The following ZNF485 variants were observed in gnomAD, a reference collection of about 807,000 sequenced individuals.
The protein encoded by ZNF485 is zinc finger protein 485.
Under a neutral mutation model 10.8 loss-of-function variants are expected in ZNF485, and 9 were observed. The observed-to-expected ratio is 0.83, with a 90% confidence interval of 0.50 to 1.45. The LOEUF (loss-of-function observed/expected upper bound fraction) is 1.45, where lower values mean the gene tolerates loss of function less well. Among genes scored for constraint, ZNF485 ranks in the 40% most tolerant of loss-of-function variants. The probability of loss-of-function intolerance (pLI) is 0.00; values close to 1 mark genes in which losing one functional copy is unlikely to be tolerated. For synonymous variants in ZNF485, 187 were observed against 181.0 expected (o/e 1.03, Z -0.27); for missense variants, 487 against 528.0 (o/e 0.92, Z 0.76).
intron 4 of ZNF485, among the ~76,000 whole-genome samples, chr10:43,612,794 A>G (rs1178681191): frequency 6.6e-6 from 1 of 151,648 alleles, no homozygotes. Context: ...AAGCATTTGG[A>G]TGTATTTATT....
rs767884893 is a variant in ZNF485 at position 43,617,255 on chromosome 10, T to C, written c.1212T>C (p.His404=). The change falls in exon 5 of 5, where the codon CAT becomes CAC. Residue 404 remains histidine (H), a synonymous_variant. Coordinates refer to ENST00000361807, the MANE Select transcript of ZNF485 (RefSeq NM_145312.4). The part of the protein sequence containing the change: ...SSGLVEHQRL[H]TGEKPYKCNE... ...GCCTTGTTGAACATCAGAGACTCCA[T>C]ACTGGGGAAAAACCTTATAAATGTA... 3 of 1,614,008 alleles carry C rather than the reference T, an allele frequency of 1.9e-6. No individual in the cohort carries two copies. The highest frequency in any genetic ancestry group is 2.5e-6 in the Non-Finnish European group (3 of 1,179,972).
intron 4 of ZNF485, among the ~76,000 whole-genome samples, chr10:43,613,752 G>C (rs1838806749): frequency 6.6e-6 from 1 of 152,320 alleles, no homozygotes; most frequent in East Asian, 1.9e-4. Context: ...TAATCTTCCA[G>C]AGTTTTGTTC....
rs267602489 is a variant in ZNF485 at position 43,617,301 on chromosome 10, C to T, written c.1258C>T (p.Pro420Ser). 1.2e-6 allele frequency: 2 copies of T among 1,603,364 alleles called. No homozygotes were observed. Among genetic ancestry groups the T allele is most frequent in the Non-Finnish European group, 1.7e-6 (2 of 1,176,322 alleles). Residue 420 changes from proline to serine, a missense_variant, in exon 5 of 5, where the codon CCC becomes TCC. Transcript: ENST00000361807. ...YKCNECGKAF[P>S]RSSALKQHKK... is the part of the protein sequence containing the mutation. ...ATGTAATGAATGTGGGAAAGCTTTT[C>T]CCCGAAGTTCAGCCCTTAAGCAACA...
In ZNF485 at chr10:43,616,838, T is replaced by G. The variant is rs1011517061; in HGVS notation, c.795T>G (p.Ser265Arg). Residue 265 changes from serine to arginine, a missense_variant, in exon 5 of 5, where the codon AGT becomes AGG. Transcript: ENST00000361807. Reference sequence around the variant, plus strand: ...TTACTCGTCATGAAAGAATACATAGTGGAGAGAAGCCTTTTAAATGTAACA... The same window carrying G: ...TTACTCGTCATGAAAGAATACATAGGGGAGAGAAGCCTTTTAAATGTAACA... ...AALTRHERIH[S>R]GEKPFKCNKC... 6.8e-6 allele frequency: 11 copies of G among 1,614,078 alleles called. No homozygotes were observed. The highest frequency in any genetic ancestry group is 9.3e-6 in the Non-Finnish European group (11 of 1,180,020).
intron 4 of ZNF485, among the ~76,000 whole-genome samples, chr10:43,614,754 ATTC>A (rs1447899253): frequency 3.9e-5 from 6 of 152,010 alleles, no homozygotes; most frequent in Non-Finnish European, 8.8e-5. Flanking sequence ...TCATGAAGAT[ATTC>A]TTCTGTGTTA....
At chr10:43,612,679 T>A (rs1838787498) in intron 4 of ZNF485, among the ~76,000 whole-genome samples, 1 of 152,204 alleles carries the variant, frequency 6.6e-6, no homozygotes, top group Admixed American at 6.5e-5. Context: ...AGTAATATTC[T>A]CCACATCTTT....
chr10:43,609,631 C>A (rs1838730413), intron 4 of ZNF485, among the ~76,000 whole-genome samples: 1 of 152,136 alleles, frequency 6.6e-6, no homozygotes, highest in African/African-American at 2.4e-5. Flanking sequence ...TCTTTCCAGG[C>A]ATTCACCAGG....
At chr10:43,613,357 G>A (rs1838800884) in intron 4 of ZNF485, among the ~76,000 whole-genome samples, 1 of 151,952 alleles carries the variant, frequency 6.6e-6, no homozygotes, top group Non-Finnish European at 1.5e-5. Context: ...ATAATTTTTG[G>A]TCTGGCTTAT....
chr10:43,609,279 T>C lies in ZNF485; in HGVS notation c.176T>C (p.Leu59Pro), dbSNP rs1294318122. The change falls in exon 4 of 5, where the codon CTA (leucine) becomes CCA (proline). Residue 59 changes from leucine (L) to proline (P), a missense_variant. Physicochemically the swap from Leu to Pro is moderately conservative, Grantham distance 98. Transcript: ENST00000361807. Reference protein sequence around the residue: ...SVGLLSSKPKLITQLEQGAEP... With the variant: ...SVGLLSSKPKPITQLEQGAEP... ...GGGCTTCTCTCTTCCAAACCAAAAC[T>C]AATTACTCAGTTGGAGCAAGGGGCA... The C allele has an allele frequency of 6.2e-7, 1 of 1,613,934 alleles. No individual in the cohort carries two copies. The highest frequency in any genetic ancestry group is 8.5e-7 in the Non-Finnish European group (1 of 1,179,930).
At position 43,617,315 on chromosome 10, in the gene ZNF485, C is replaced by G. The variant is rs7069748; in HGVS notation, c.1272C>G (p.Ala424=). 111,620 of 1,583,838 alleles carry G rather than the reference C, an allele frequency of 0.07. 4,237 individuals are homozygous for G. Among genetic ancestry groups the G allele is most frequent in the Middle Eastern group, 0.12 (686 of 5,902 alleles). ...GGAAAGCTTTTCCCCGAAGTTCAGC[C>G]CTTAAGCAACATAAGAAAATTCATA... is the stretch of plus-strand genomic sequence containing the variant. The part of the protein sequence containing the change: ...ECGKAFPRSS[A]LKQHKKIHNK... Residue 424 remains alanine (A), a synonymous_variant, in exon 5 of 5, where the codon GCC becomes GCG. Coordinates refer to ENST00000361807, the MANE Select transcript of ZNF485 (RefSeq NM_145312.4).
At position 43,617,202 on chromosome 10, in the gene ZNF485, T is replaced by C. The variant is rs1427805196; in HGVS notation, c.1159T>C (p.Cys387Arg). The change falls in exon 5 of 5, where the codon TGT becomes CGT. Residue 387 changes from cysteine (C) to arginine (R), a missense_variant. Physicochemically the swap from Cys to Arg is radical, Grantham distance 180. Coordinates refer to ENST00000361807, the MANE Select transcript of ZNF485 (RefSeq NM_145312.4). The stretch of plus-strand genomic sequence containing the variant: ...AGAAAAACCCTATCACTGTAAGAAA[T>C]GTGGGAAAGCCTTTCGGCACAGCTC... ...TGEKPYHCKKCGKAFRHSSGL... is the reference protein window; with the variant it reads ...TGEKPYHCKKRGKAFRHSSGL... The C allele has an allele frequency of 6.2e-7, 1 of 1,614,132 alleles. No individual in the cohort carries two copies. The highest frequency in any genetic ancestry group is 8.5e-7 in the Non-Finnish European group (1 of 1,180,028).
At position 43,617,268 on chromosome 10, in the gene ZNF485, C is replaced by A; in HGVS notation, c.1225C>A (p.Pro409Thr). The A allele has an allele frequency of 6.2e-7, 1 of 1,613,024 alleles. No individual in the cohort carries two copies. The highest frequency in any genetic ancestry group is 8.5e-7 in the Non-Finnish European group (1 of 1,179,598). The change falls in exon 5 of 5, where the codon CCT (proline) becomes ACT (threonine). Residue 409 changes from proline to threonine, a missense_variant. Coordinates refer to ENST00000361807, the MANE Select transcript of ZNF485 (RefSeq NM_145312.4). ...TCAGAGACTCCATACTGGGGAAAAA[C>A]CTTATAAATGTAATGAATGTGGGAA... is the stretch of plus-strand genomic sequence containing the variant. The part of the protein sequence containing the change: ...EHQRLHTGEK[P>T]YKCNECGKAF...
In ZNF485 at chr10:43,616,314, A is replaced by G; in HGVS notation, c.271A>G (p.Lys91Glu). 6.4e-7 allele frequency: 1 copy of G among 1,568,972 alleles called. No individual in the cohort carries two copies. The highest frequency in any genetic ancestry group is 8.6e-7 in the Non-Finnish European group (1 of 1,161,592). Residue 91 changes from lysine to glutamate, a missense_variant, in exon 5 of 5, where the codon AAG becomes GAG. Coordinates refer to ENST00000361807, the MANE Select transcript of ZNF485 (RefSeq NM_145312.4). ...AGTCGAGGATTACTGGTTTGAAACA[A>G]AGATGTCAGCCCTAAAGCAAAGCAC... is the stretch of plus-strand genomic sequence containing the variant. ...HAVEDYWFET[K>E]MSALKQSTSE... is the part of the protein sequence containing the mutation.
At chr10:43,609,709 T>A (rs948605836) in intron 4 of ZNF485, among the ~76,000 whole-genome samples, 1 of 152,114 alleles carries the variant, frequency 6.6e-6, no homozygotes, top group Admixed American at 6.6e-5. Context: ...TTTGAGACAG[T>A]CTCGCCCTGT....
At chr10:43,612,144 C>T (rs77767415) in intron 4 of ZNF485, among the ~76,000 whole-genome samples, 15,860 of 152,138 alleles carry the variant, frequency 0.1, 936 homozygotes, top group Middle Eastern at 0.18. Context: ...AATGCCTTTT[C>T]AAGGTATATG....
intron 3 of ZNF485, 88 bp from the exon 4 acceptor site, chr10:43,609,167 A>T: frequency 1.0e-6 from 1 of 994,984 alleles, no homozygotes; most frequent in Non-Finnish European, 1.5e-6. Context: ...TGAGGTCTGG[A>T]GTGACTGCTT....
In ZNF485 at chr10:43,616,723, C is replaced by A; in HGVS notation, c.680C>A (p.Ser227Ter). ...TGTGGAAAAACTTTCAGAAAGAACT[C>A]AATCCTTTTAAGTCATCAGAGAATT... is the stretch of plus-strand genomic sequence containing the variant. ...IECGKTFRKN[S>*]ILLSHQRIHT... is the part of the protein sequence containing the mutation. The change falls in exon 5 of 5, where the codon TCA becomes TAA. Residue 227 changes from serine to a stop codon, truncating the protein, a stop_gained. Transcript: ENST00000361807. LOFTEE classifies it low-confidence loss of function (END_TRUNC). 6.2e-7 allele frequency: 1 copy of A among 1,614,110 alleles called. No individual in the cohort carries two copies. The highest frequency in any genetic ancestry group is 1.1e-5 in the South Asian group (1 of 91,084).
At chr10:43,611,176 C>T (rs568326599) in intron 4 of ZNF485, among the ~76,000 whole-genome samples, 49 of 152,192 alleles carry the variant, frequency 3.2e-4, no homozygotes, top group Non-Finnish European at 6.5e-4. Context: ...GCTGGGACCA[C>T]AGGAGCATGC....
intron 4 of ZNF485, among the ~76,000 whole-genome samples, chr10:43,611,903 A>G (rs1425213977): frequency 6.6e-6 from 1 of 152,152 alleles, no homozygotes. Context: ...ATTGTATATC[A>G]TATATATCAC....
Sources: gnomAD v4.1 joint callset for allele counts (sites outside exome capture counted in the v4.1 genomes callset) on GRCh38, gnomAD v4.1.1 for gene constraint, MANE v1.5 for transcripts, NCBI Gene and HGNC (gene_info 2026-07-23, HGNC 2026-07-21) for gene names.